NXPE3: variants seen among roughly 807,000 people sequenced by gnomAD.
NXPE3 encodes neurexophilin and PC-esterase domain family member 3.
Under a neutral mutation model 46.1 loss-of-function variants are expected in NXPE3, and 26 were observed. The ratio of observed to expected loss-of-function variants is 0.56; its 90% confidence interval spans 0.41 to 0.78. The LOEUF (loss-of-function observed/expected upper bound fraction) is 0.78, where lower values mean the gene tolerates loss of function less well. Among genes scored for constraint, NXPE3 ranks in the 30% least tolerant of loss-of-function variants. NXPE3 has a pLI of 0.00. For missense variants in NXPE3, 620 were observed against 686.0 expected, an observed-to-expected ratio of 0.90 and a Z score of 1.07; for synonymous variants, 272 against 257.9, an observed-to-expected ratio of 1.05 and a Z score of -0.52.
At chr3:101,803,602 ACC>A (rs1307714141) in intron 5 of NXPE3, among the ~76,000 whole-genome samples, 19 of 152,116 alleles carry the variant, frequency 1.2e-4, no homozygotes, top group Non-Finnish European at 2.4e-4. Flanking sequence ...CTACTCAATT[ACC>A]CTATTTTAGA....
intron 5 of NXPE3, among the ~76,000 whole-genome samples, chr3:101,804,780 G>T (rs181735741): frequency 1.8e-4 from 28 of 152,192 alleles, no homozygotes; most frequent in African/African-American, 6.0e-4. Context: ...TGTCATCTTT[G>T]TTCTTTATCT....
At chr3:101,805,593 C>G (rs772806455) in intron 5 of NXPE3, among the ~76,000 whole-genome samples, 4 of 152,012 alleles carry the variant, frequency 2.6e-5, no homozygotes, top group Admixed American at 6.6e-5. Flanking sequence ...GCACGCACCA[C>G]CATAGCTGGC....
At chr3:101,808,355 A>G (rs1941524160) in intron 6 of NXPE3, among the ~76,000 whole-genome samples, 1 of 152,116 alleles carries the variant, frequency 6.6e-6, no homozygotes, top group Non-Finnish European at 1.5e-5. Context: ...ATAGTACTGC[A>G]CTCTGCAGAT....
At chr3:101,814,423 C>T (rs531231185) in intron 6 of NXPE3, among the ~76,000 whole-genome samples, 3 of 152,272 alleles carry the variant, frequency 2.0e-5, no homozygotes, top group Admixed American at 6.5e-5. Flanking sequence ...TTAAAATCAG[C>T]GTTCAGTTTC....
intron 3 of NXPE3, among the ~76,000 whole-genome samples, chr3:101,783,777 T>A (rs1259689386): frequency 6.6e-6 from 1 of 152,160 alleles, no homozygotes; most frequent in African/African-American, 2.4e-5. Flanking sequence ...ATTTTTTTTT[T>A]ATGGACAACT....
At position 101,803,775 on chromosome 3, in the gene NXPE3, A is replaced by G. The variant is rs1941280534; in HGVS notation, c.848+1786A>G. ...GTTCGGACTACAGGTGTGCGCCACC[A>G]CACCCAGCTAATTTTTGTATGTTTT... On this transcript the variant is annotated intron_variant, in intron 5 of 7. Transcript: ENST00000273347. 2.0e-5 allele frequency among the ~76,000 whole-genome samples: 3 copies of G among 152,036 alleles called. No individual in the cohort carries two copies. In the South Asian group the frequency reaches 6.2e-4, roughly 32 times the overall value.
rs1357434118 is a variant in NXPE3 at position 101,823,336 on chromosome 3, T to C, written c.*1382T>C. ...GTCCTTGAGGAACACCTTCAAGTTT[T>C]TAAAGTATTTTAGGGGGAAAGAAGA... On this transcript the variant is annotated 3_prime_UTR_variant, in exon 8 of 8. Coordinates refer to ENST00000273347, the MANE Select transcript of NXPE3 (RefSeq NM_145037.4). 1.3e-5 allele frequency: 2 copies of C among 152,170 alleles called. No individual in the cohort carries two copies. Among genetic ancestry groups the C allele is most frequent in the Admixed American group, 1.3e-4 (2 of 15,272 alleles). The allele number at this position is 152,170 out of a possible 1,614,324, so 9.4% of individuals were successfully genotyped here.
intron 6 of NXPE3, among the ~76,000 whole-genome samples, chr3:101,811,513 G>A (rs1449153204): frequency 6.6e-6 from 1 of 152,110 alleles, no homozygotes; most frequent in East Asian, 1.9e-4. Context: ...TTGTGTCATC[G>A]TTTTGAGTCC....
At chr3:101,810,544 G>C (rs1482484898) in intron 6 of NXPE3, among the ~76,000 whole-genome samples, 1 of 152,204 alleles carries the variant, frequency 6.6e-6, no homozygotes, top group Admixed American at 6.5e-5. Flanking sequence ...CTTTAAGAGA[G>C]TGGCATTATC....
intron 4 of NXPE3, among the ~76,000 whole-genome samples, chr3:101,791,762 GTGTCTTTATGGT>G (rs1430489712): frequency 6.6e-6 from 1 of 152,128 alleles, no homozygotes. Flanking sequence ...TTGCATGCAT[GTGTCTTTATGGT>G]AGAATGACTT....
At chr3:101,803,272 A>G (rs909934324) in intron 5 of NXPE3, among the ~76,000 whole-genome samples, 94 of 152,256 alleles carry the variant, frequency 6.2e-4, no homozygotes, top group African/African-American at 2.2e-3. Context: ...TCCTAAAATA[A>G]AACTCTTCAG....
In NXPE3 at chr3:101,821,802, C is replaced by T. The variant is rs747747143; in HGVS notation, c.1528C>T (p.Arg510Trp). 32 of 1,614,052 alleles carry T rather than the reference C, an allele frequency of 2.0e-5. No individual in the cohort carries two copies. The Admixed American group carries it at 2.3e-4, about 12-fold the overall frequency. The change falls in exon 8 of 8, where the codon CGG becomes TGG. Residue 510 changes from arginine (R) to tryptophan (W), a missense_variant. Transcript: ENST00000273347. The part of the protein sequence containing the change: ...WYNFQLDTIL[R>W]RMFSGVGVYL... ...CAACTTTCAGCTGGACACCATCCTT[C>T]GGAGGATGTTCTCAGGGGTTGGAGT...
intron 4 of NXPE3, among the ~76,000 whole-genome samples, chr3:101,787,052 G>A (rs1181451316): frequency 4.6e-5 from 7 of 151,768 alleles, no homozygotes; most frequent in African/African-American, 9.7e-5. Context: ...GTGAAACCCC[G>A]TCTCTACTGA....
chr3:101,816,092 A>C (rs1458713735), intron 6 of NXPE3, among the ~76,000 whole-genome samples: 1 of 152,010 alleles, frequency 6.6e-6, no homozygotes, highest in Non-Finnish European at 1.5e-5. Context: ...TGAACCCAGG[A>C]GGCGGAGGTT....
intron 1 of NXPE3, among the ~76,000 whole-genome samples, chr3:101,780,905 A>G (rs1939781681): frequency 6.6e-6 from 1 of 152,190 alleles, no homozygotes. Flanking sequence ...TGTGGAAACA[A>G]GTCCTGCAGA....
chr3:101,795,228 A>G (rs980331951), intron 4 of NXPE3, among the ~76,000 whole-genome samples: 2 of 152,182 alleles, frequency 1.3e-5, no homozygotes, highest in South Asian at 2.1e-4. Context: ...AATGAAAAAT[A>G]TTACATAAGC....
intron 4 of NXPE3, among the ~76,000 whole-genome samples, chr3:101,792,714 T>C (rs941401926): frequency 1.3e-5 from 2 of 152,246 alleles, no homozygotes; most frequent in African/African-American, 4.8e-5. Flanking sequence ...ACCAGCTTTA[T>C]TCTTTTTGCT....
chr3:101,817,688 G>T, intron 7 of NXPE3, among the ~76,000 whole-genome samples: 1 of 152,090 alleles, frequency 6.6e-6, no homozygotes, highest in East Asian at 1.9e-4. Flanking sequence ...TCTGGAAGGG[G>T]TATGGATGAG....
intron 4 of NXPE3, among the ~76,000 whole-genome samples, chr3:101,787,608 G>T (rs542932125): frequency 6.6e-6 from 1 of 152,162 alleles, no homozygotes; most frequent in Non-Finnish European, 1.5e-5. Flanking sequence ...GCCTGGCCTG[G>T]TATTTGTCTT....
Sources: gnomAD v4.1 joint callset for allele counts (sites outside exome capture counted in the v4.1 genomes callset) on GRCh38, gnomAD v4.1.1 for gene constraint, MANE v1.5 for transcripts, NCBI Gene and HGNC (gene_info 2026-07-23, HGNC 2026-07-21) for gene names.